SNX30: variants seen among roughly 807,000 people sequenced by gnomAD.
SNX30 encodes sorting nexin family member 30.
In SNX30, 24 loss-of-function variants were observed where a neutral mutation model predicts 46.4. The observed-to-expected ratio is 0.52, with a 90% CI of 0.37 to 0.73. The LOEUF is 0.73. SNX30 is among the 30% of genes least tolerant of loss of function. The pLI, the probability that SNX30 is intolerant of heterozygous loss-of-function variation, is 0.00. For synonymous variants in SNX30, 189 were observed against 211.5 expected, an observed-to-expected ratio of 0.89 and a Z score of 0.92; for missense variants, 533 against 555.7, an observed-to-expected ratio of 0.96 and a Z score of 0.41.
At chr9:112,811,522 T>C (rs1840319508) in intron 2 of SNX30, among the ~76,000 whole-genome samples, 1 of 152,056 alleles carries the variant, frequency 6.6e-6, no homozygotes, top group Non-Finnish European at 1.5e-5. Flanking sequence ...TAGACTGTCA[T>C]TCTGTGCTGG....
chr9:112,781,798 ATT>A (rs34248700), intron 1 of SNX30, among the ~76,000 whole-genome samples: 2 of 139,630 alleles, frequency 1.4e-5, no homozygotes, highest in Non-Finnish European at 1.6e-5. Flanking sequence ...CGCTTGGCTA[ATT>A]TTTTTTTTTT....
chr9:112,845,446 G>T (rs551178181), intron 6 of SNX30, among the ~76,000 whole-genome samples: 144 of 152,286 alleles, frequency 9.5e-4, no homozygotes, highest in African/African-American at 2.9e-3. Flanking sequence ...GTCTGTTTAA[G>T]AATTCTAGCT....
intron 1 of SNX30, among the ~76,000 whole-genome samples, chr9:112,786,849 CTT>C (rs1839937851): frequency 6.6e-6 from 1 of 152,178 alleles, no homozygotes; most frequent in African/African-American, 2.4e-5. Flanking sequence ...TGTCTGGTTA[CTT>C]AGGTGTGAAA....
At chr9:112,846,328 A>T (rs2131472507) in intron 6 of SNX30, among the ~76,000 whole-genome samples, 1 of 152,366 alleles carries the variant, frequency 6.6e-6, no homozygotes, top group South Asian at 2.1e-4. Flanking sequence ...TAAATTTTCC[A>T]AATTTTGTGT....
At chr9:112,822,532 TTTTGTTTTG>T (rs201230800) in intron 3 of SNX30, among the ~76,000 whole-genome samples, 9,892 of 68,304 alleles carry the variant, frequency 0.14, 451 homozygotes, top group Admixed American at 0.21. Context: ...CCCTTTGCTG[TTTTGTTTTG>T]TTTTTTTTTT....
intron 1 of SNX30, among the ~76,000 whole-genome samples, chr9:112,796,150 G>A (rs570470828): frequency 3.3e-5 from 5 of 152,352 alleles, no homozygotes; most frequent in Admixed American, 1.3e-4. Flanking sequence ...AGGCCAGATT[G>A]TGGGAAACCA....
chr9:112,784,575 G>A (rs756457386), intron 1 of SNX30, among the ~76,000 whole-genome samples: 8 of 152,082 alleles, frequency 5.3e-5, no homozygotes, highest in East Asian at 1.9e-4. Context: ...GTGGTGTTCC[G>A]TGCCAGGAAC....
At chr9:112,774,511 T>C (rs1839707035) in intron 1 of SNX30, among the ~76,000 whole-genome samples, 1 of 152,214 alleles carries the variant, frequency 6.6e-6, no homozygotes, top group South Asian at 2.1e-4. Context: ...ATCATTCATG[T>C]GCAAGTCTTT....
chr9:112,782,788 C>T (rs557926281), intron 1 of SNX30, among the ~76,000 whole-genome samples: 6 of 152,344 alleles, frequency 3.9e-5, no homozygotes, highest in Non-Finnish European at 5.9e-5. Context: ...TGAGATTCCC[C>T]TTAACCTCCT....
intron 3 of SNX30, among the ~76,000 whole-genome samples, chr9:112,828,990 A>T (rs1174940220): frequency 6.6e-6 from 1 of 152,146 alleles, no homozygotes; most frequent in Non-Finnish European, 1.5e-5. Flanking sequence ...TGGACATTTC[A>T]CATGAATGGA....
At position 112,830,791 on chromosome 9, in the gene SNX30, A is replaced by G. The variant is rs777287940; in HGVS notation, c.526A>G (p.Arg176Gly). ...DRFSEEFVET[R>G]RKALDKFLKR... is the part of the protein sequence containing the mutation. ...TTTTTCAGAAGAGTTTGTGGAGACC[A>G]GAAGAAAAGCTTTGGATAAATTTCT... is the stretch of plus-strand genomic sequence containing the variant. Residue 176 changes from arginine to glycine, a missense_variant, in exon 4 of 9, where the codon AGA becomes GGA. Physicochemically the swap from Arg to Gly is moderately radical, Grantham distance 125. This residue lies in a region of SNX30 where 81 missense variants were observed against 124.4 expected (regional missense o/e 0.65). Transcript: ENST00000374232. 11 of 1,614,148 alleles carry G rather than the reference A, an allele frequency of 6.8e-6. No individual in the cohort carries two copies. Among genetic ancestry groups the G allele is most frequent in the Non-Finnish European group, 9.3e-6 (11 of 1,180,000 alleles).
chr9:112,758,473 ACG>A (rs1298894713), intron 1 of SNX30, among the ~76,000 whole-genome samples: 1 of 151,962 alleles, frequency 6.6e-6, no homozygotes, highest in African/African-American at 2.4e-5. Flanking sequence ...GGGACCACAG[ACG>A]CGCATCACCA....
At chr9:112,831,254 T>C (rs1564284170) in intron 4 of SNX30, among the ~76,000 whole-genome samples, 1 of 152,180 alleles carries the variant, frequency 6.6e-6, no homozygotes, top group Admixed American at 6.5e-5. Context: ...CCTGTGTCCA[T>C]TAGCATGCTT....
chr9:112,787,806 T>C (rs1468667810), intron 1 of SNX30, among the ~76,000 whole-genome samples: 2 of 151,902 alleles, frequency 1.3e-5, no homozygotes, highest in African/African-American at 4.8e-5. Flanking sequence ...GACGCTTTTT[T>C]TTTTTTTAAA....
In SNX30 at chr9:112,850,945, G is replaced by A; in HGVS notation, c.1101G>A (p.Lys367=). 1.2e-6 allele frequency: 2 copies of A among 1,613,766 alleles called. No homozygotes were observed. The highest frequency in any genetic ancestry group is 8.5e-7 in the Non-Finnish European group (1 of 1,179,830). ...AVALRKEDRP[K]VPADVEKCQD... is the part of the protein sequence containing the mutation. ...CTCTGCGGAAGGAAGACCGCCCCAA[G>A]GTCAGGGAAGCCACCTGGGAAGGGC... The change falls in exon 7 of 9, where the codon AAG becomes AAA. Residue 367 remains lysine, a splice_region_variant and synonymous_variant. Transcript: ENST00000374232.
intron 7 of SNX30, among the ~76,000 whole-genome samples, chr9:112,857,879 A>G (rs188600192): frequency 3.9e-5 from 6 of 152,198 alleles, no homozygotes; most frequent in Admixed American, 2.6e-4. Flanking sequence ...TCACTGAGTA[A>G]TGCGTTTTTA....
chr9:112,839,691 C>T (rs1840824607), intron 6 of SNX30, among the ~76,000 whole-genome samples: 1 of 152,192 alleles, frequency 6.6e-6, no homozygotes. Flanking sequence ...CAGTGTTGAA[C>T]ATTCCCACCT....
At position 112,873,279 on chromosome 9, in the gene SNX30, A is replaced by G. The variant is rs980464771; in HGVS notation, c.*4436A>G. ...AACCAATAAGATATTTGTCTCCTAT[A>G]TAAACATTCTGTGTATTTAGCACTT... On this transcript the variant is annotated 3_prime_UTR_variant, in exon 9 of 9. Transcript: ENST00000374232. 8 of 152,232 alleles carry G rather than the reference A, an allele frequency of 5.3e-5. No homozygotes were observed. Among genetic ancestry groups the G allele is most frequent in the Non-Finnish European group, 1.2e-4 (8 of 68,038 alleles). The allele number at this position is 152,232 out of a possible 1,614,324, so 9.4% of individuals were successfully genotyped here. A position where few individuals can be genotyped will look rare whatever the true frequency, so the allele number is the denominator to read the frequency against.
At chr9:112,839,929 C>T (rs181730333) in intron 6 of SNX30, among the ~76,000 whole-genome samples, 48 of 152,298 alleles carry the variant, frequency 3.2e-4, no homozygotes, top group Non-Finnish European at 5.4e-4. Flanking sequence ...AATGAATCAA[C>T]TAGTTATAAA....
Sources: gnomAD v4.1 joint callset for allele counts (sites outside exome capture counted in the v4.1 genomes callset) on GRCh38, gnomAD v4.1.1 for gene constraint, gnomAD v4.1.1 regional missense constraint, MANE v1.5 for transcripts, NCBI Gene and HGNC (gene_info 2026-07-23, HGNC 2026-07-21) for gene names.